PCDH15: variants seen among roughly 807,000 people sequenced by gnomAD.
PCDH15 encodes the protein protocadherin related 15.
A neutral mutation model predicts 178.5 loss-of-function variants in PCDH15; 129 were observed. The observed-to-expected ratio is 0.72, with a 90% CI of 0.63 to 0.84. The LOEUF (loss-of-function observed/expected upper bound fraction) is 0.84, where lower values mean the gene tolerates loss of function less well. PCDH15 is among the 40% of genes least tolerant of loss of function. The probability of loss-of-function intolerance (pLI) is 0.00; values close to 1 mark genes in which losing one functional copy is unlikely to be tolerated. For synonymous variants in PCDH15, 800 were observed against 732.0 expected (o/e 1.09, Z -1.50); for missense variants, 2,230 against 2,099.9 (o/e 1.06, Z -1.21).
chr10:54,052,891 T>G (rs1283989292), intron 18 of PCDH15, among the ~76,000 whole-genome samples: 1 of 152,154 alleles, frequency 6.6e-6, no homozygotes, highest in African/African-American at 2.4e-5. Context: ...GATACTACGT[T>G]TTCACAAGAT....
chr10:55,591,609 A>G (rs573823518), intron 2 of PCDH15, among the ~76,000 whole-genome samples: 60 of 152,278 alleles, frequency 3.9e-4, no homozygotes, highest in Middle Eastern at 3.4e-3. Flanking sequence ...CTATTTGACA[A>G]ACTTTTGCTT....
intron 2 of PCDH15, among the ~76,000 whole-genome samples, chr10:55,106,001 G>C (rs373588134): frequency 1.3e-5 from 2 of 151,986 alleles, no homozygotes; most frequent in African/African-American, 4.8e-5. Context: ...ACTCCTGGAA[G>C]CTAGGATATT....
intron 18 of PCDH15, among the ~76,000 whole-genome samples, chr10:54,064,906 G>T (rs974069688): frequency 4.3e-4 from 65 of 152,122 alleles, no homozygotes; most frequent in African/African-American, 1.5e-3. Flanking sequence ...GGATGGCAGG[G>T]CTCCCACCCT....
intron 1 of PCDH15, among the ~76,000 whole-genome samples, chr10:55,179,042 A>G (rs560269288): frequency 6.6e-6 from 1 of 152,164 alleles, no homozygotes; most frequent in South Asian, 2.1e-4. Flanking sequence ...TCCTTTTTGT[A>G]TAATACTCAT....
chr10:55,561,924 A>G (rs948603437), intron 2 of PCDH15, among the ~76,000 whole-genome samples: 1 of 151,960 alleles, frequency 6.6e-6, no homozygotes, highest in African/African-American at 2.4e-5. Context: ...TTAAAATATT[A>G]AATGTCGTTT....
rs186043770 is a variant in PCDH15 at position 54,738,455 on chromosome 10, A to C, written c.-29+62470T>G. ...GGTTTTATTTATTTTAAAGTAGGTAAAACATGAATTTACTTTACAAACATG... is the reference window on the plus strand; with the variant it reads ...GGTTTTATTTATTTTAAAGTAGGTACAACATGAATTTACTTTACAAACATG... On this transcript the variant is annotated intron_variant, in intron 1 of 37. Transcript: ENST00000644397. Among the ~76,000 whole-genome samples the C allele has an allele frequency of 1.2e-3, 177 of 152,166 alleles. 1 individual carries two copies. Among genetic ancestry groups the C allele is most frequent in the Middle Eastern group, 3.4e-3 (1 of 292 alleles).
chr10:55,241,382 C>T (rs1437911879), intron 1 of PCDH15, among the ~76,000 whole-genome samples: 6 of 152,026 alleles, frequency 3.9e-5, no homozygotes, highest in Admixed American at 6.6e-5. Flanking sequence ...TATTTTGAAC[C>T]ACATGGTAGA....
chr10:54,932,043 C>T (rs992354983), intron 2 of PCDH15, among the ~76,000 whole-genome samples: 6 of 152,110 alleles, frequency 3.9e-5, no homozygotes, highest in African/African-American at 2.4e-5. Flanking sequence ...TACAGTGATT[C>T]CATAAGATAA....
chr10:54,796,222 T>TTACC (rs1951941740), intron 1 of PCDH15, among the ~76,000 whole-genome samples: 1 of 125,248 alleles, frequency 8.0e-6, no homozygotes, highest in South Asian at 2.7e-4. Flanking sequence ...TCTTTCTACA[T>TTACC]TATCTATCTA....
intron 3 of PCDH15, among the ~76,000 whole-genome samples, chr10:54,520,655 G>A (rs2082753174): frequency 6.6e-6 from 1 of 151,706 alleles, no homozygotes; most frequent in African/African-American, 2.4e-5. Context: ...AGTCAGTGTG[G>A]CGATTCCTCA....
chr10:55,338,736 C>T (rs1282738424), intron 2 of PCDH15, among the ~76,000 whole-genome samples: 1 of 152,108 alleles, frequency 6.6e-6, no homozygotes, highest in East Asian at 1.9e-4. Flanking sequence ...GACCATGTCA[C>T]TGCACTCCAG....
At position 55,560,543 on chromosome 10, in the gene PCDH15, G is replaced by T. The variant is rs142367234; in HGVS notation, c.-156+67082C>A. On this transcript the variant is annotated intron_variant, in intron 2 of 5. Coordinates refer to the PCDH15 transcript ENST00000613346. ...CTATACTGAAACTTAGGAAATCCCA[G>T]ATGATTATGACACCATATATCCAAA... is the stretch of plus-strand genomic sequence containing the variant. Among the ~76,000 whole-genome samples the T allele has an allele frequency of 1.4e-4, 21 of 151,964 alleles. No individual in the cohort carries two copies. The East Asian group carries it at 3.9e-3, about 28-fold the overall frequency.
intron 1 of PCDH15, among the ~76,000 whole-genome samples, chr10:54,721,870 A>G (rs1941670296): frequency 6.6e-6 from 1 of 151,866 alleles, no homozygotes; most frequent in Admixed American, 6.6e-5. Flanking sequence ...CTCTTTTAAC[A>G]AAAGTGGTAT....
intron 2 of PCDH15, among the ~76,000 whole-genome samples, chr10:55,610,201 G>C (rs1241240240): frequency 6.6e-6 from 1 of 152,044 alleles, no homozygotes; most frequent in African/African-American, 2.4e-5. Context: ...CTCCTCAGAA[G>C]TGAATGAAAA....
chr10:55,197,464 T>C (rs1308216948), intron 1 of PCDH15, among the ~76,000 whole-genome samples: 1 of 152,094 alleles, frequency 6.6e-6, no homozygotes, highest in Non-Finnish European at 1.5e-5. Flanking sequence ...TCAGATTGAA[T>C]AAGATGGTTG....
chr10:53,813,739 C>G (rs578159397), intron 35 of PCDH15, among the ~76,000 whole-genome samples: 23 of 152,042 alleles, frequency 1.5e-4, no homozygotes, highest in Non-Finnish European at 3.2e-4. Flanking sequence ...ATGAATCTCC[C>G]AAACAGAATG....
intron 2 of PCDH15, among the ~76,000 whole-genome samples, chr10:55,093,095 A>C (rs752558597): frequency 3.3e-5 from 5 of 152,098 alleles, no homozygotes; most frequent in African/African-American, 4.8e-5. Flanking sequence ...GATTTCACAG[A>C]AAATGTAAAA....
At chr10:54,943,552 C>T (rs187850699) in intron 2 of PCDH15, among the ~76,000 whole-genome samples, 127 of 151,984 alleles carry the variant, frequency 8.4e-4, no homozygotes, top group African/African-American at 2.8e-3. Flanking sequence ...ATACCAAGAG[C>T]TACTGGGAAA....
chr10:55,282,877 T>G (rs7071104), intron 1 of PCDH15, among the ~76,000 whole-genome samples: 155 of 152,268 alleles, frequency 1.0e-3, no homozygotes, highest in African/African-American at 3.1e-3. Flanking sequence ...ACCAACCCCA[T>G]TTTGCTTCTA....
Sources: allele counts gnomAD v4.1 joint callset (sites outside exome capture counted in the v4.1 genomes callset), GRCh38; gene constraint gnomAD v4.1.1; transcripts MANE v1.5; gene names NCBI Gene and HGNC (gene_info 2026-07-23, HGNC 2026-07-21).